The following GLI2 variants were observed in gnomAD, a reference collection of about 807,000 sequenced individuals.
GLI2 encodes the protein GLI family zinc finger 2.
In GLI2, 22 loss-of-function variants were observed where a neutral mutation model predicts 78.9. The ratio of observed to expected loss-of-function variants is 0.28; its 90% CI spans 0.20 to 0.40. The LOEUF is 0.40. GLI2 is among the 10% of genes least tolerant of loss of function. The probability of loss-of-function intolerance (pLI) is 1.00; values close to 1 mark genes in which losing one functional copy is unlikely to be tolerated. For synonymous variants in GLI2, 974 were observed against 963.7 expected (o/e 1.01, Z -0.20); for missense variants, 2,097 against 2,213.2 (o/e 0.95, Z 1.05).
chr2:120,749,594 G>A (rs1363378551), intron 1 of GLI2, among the ~76,000 whole-genome samples: 2 of 152,164 alleles, frequency 1.3e-5, no homozygotes, highest in Non-Finnish European at 2.9e-5. Flanking sequence ...GCCTCTCTGG[G>A]TCTCCACTTG....
intron 1 of GLI2, among the ~76,000 whole-genome samples, chr2:120,790,318 C>G (rs1239248112): frequency 6.6e-6 from 1 of 152,160 alleles, no homozygotes; most frequent in Non-Finnish European, 1.5e-5. Flanking sequence ...GGGTGCATCC[C>G]CCTCACTGTC....
chr2:120,870,754 AT>A (rs372912507), intron 2 of GLI2, among the ~76,000 whole-genome samples: 1 of 151,962 alleles, frequency 6.6e-6, no homozygotes, highest in East Asian at 1.9e-4. Context: ...TAGGTGTGTG[AT>A]TTTCCACAGG....
intron 1 of GLI2, among the ~76,000 whole-genome samples, chr2:120,764,685 G>A (rs1390600237): frequency 6.6e-6 from 1 of 152,236 alleles, no homozygotes; most frequent in East Asian, 1.9e-4. Context: ...GTGAATGTGG[G>A]AGAAGCCACG....
chr2:120,989,172 T>C lies in GLI2; in HGVS notation c.3207T>C (p.Tyr1069=). The C allele has an allele frequency of 6.2e-7, 1 of 1,613,194 alleles. No homozygotes were observed. Residue 1069 remains tyrosine (Y), a synonymous_variant, in exon 14 of 14, where the codon TAT becomes TAC. Transcript: ENST00000361492. The part of the protein sequence containing the change: ...GALDEGTGQV[Y]PTESTGFSDN... Reference sequence around the variant, plus strand: ...TGGACGAGGGCACCGGGCAGGTGTATCCCACGGAAAGCACTGGCTTCTCTG... The same window carrying C: ...TGGACGAGGGCACCGGGCAGGTGTACCCCACGGAAAGCACTGGCTTCTCTG...
intron 2 of GLI2, among the ~76,000 whole-genome samples, chr2:120,920,900 G>GA (rs11439015): frequency 0.85 from 118,770 of 140,128 alleles, 51,175 homozygotes; most frequent in South Asian, 0.94. Flanking sequence ...TCTTTTACTT[G>GA]AAAAAAAAAA....
rs72835538 is a variant in GLI2 at position 120,796,340 on chromosome 2, G to T, written c.-30-951G>T. Among the ~76,000 whole-genome samples the T allele has an allele frequency of 2.8e-3, 426 of 152,162 alleles. 6 individuals carry two copies. Among genetic ancestry groups the T allele is most frequent in the Non-Finnish European group, 4.0e-3 (273 of 68,012 alleles). ...CCCAAACCACCATTGTCTCTCCCTG[G>T]GTCACTGCAGTAGCCTCCTCTCCCC... On this transcript the variant is annotated intron_variant, in intron 1 of 13. Coordinates refer to ENST00000361492, the MANE Select transcript of GLI2 (RefSeq NM_001374353.1).
chr2:120,904,990 G>A (rs1380573306), intron 2 of GLI2, among the ~76,000 whole-genome samples: 3 of 152,206 alleles, frequency 2.0e-5, no homozygotes, highest in Admixed American at 6.5e-5. Context: ...TCGTTGCCAC[G>A]GACAGTGATT....
At chr2:120,904,774 A>G (rs1573572457) in intron 2 of GLI2, among the ~76,000 whole-genome samples, 1 of 152,228 alleles carries the variant, frequency 6.6e-6, no homozygotes, top group African/African-American at 2.4e-5. Flanking sequence ...TGTTTCTCCT[A>G]TGCCTCCAGA....
At chr2:120,967,341 A>G (rs932829684) in intron 5 of GLI2, among the ~76,000 whole-genome samples, 1 of 152,230 alleles carries the variant, frequency 6.6e-6, no homozygotes, top group Non-Finnish European at 1.5e-5. Flanking sequence ...GGTCAGCACT[A>G]TTAGAGCCCT....
rs1682810710 is a variant in GLI2, at chr2:120,983,474, G to A, written c.1632+594G>A. ...GGAGCAGCTGCCCCACTGCCTGAGG[G>A]AAGCAGAGCAGTGCTGTCTGAGCTT... On this transcript the variant is annotated intron_variant, in intron 11 of 13. Coordinates refer to ENST00000361492, the MANE Select transcript of GLI2 (RefSeq NM_001374353.1). 3.3e-5 allele frequency among the ~76,000 whole-genome samples: 5 copies of A among 152,350 alleles called. No individual in the cohort carries two copies. The South Asian group carries it at 1.0e-3, about 32-fold the overall frequency.
At chr2:120,830,352 T>C (rs1262467063) in intron 2 of GLI2, among the ~76,000 whole-genome samples, 1 of 152,164 alleles carries the variant, frequency 6.6e-6, no homozygotes, top group Non-Finnish European at 1.5e-5. Flanking sequence ...GCCTGGCACA[T>C]AGGGGGCCCT....
At chr2:120,885,700 C>T (rs917478763) in intron 2 of GLI2, among the ~76,000 whole-genome samples, 6 of 152,092 alleles carry the variant, frequency 3.9e-5, no homozygotes, top group African/African-American at 7.2e-5. Flanking sequence ...CTTGAGGCCA[C>T]GGGGAGGATT....
intron 2 of GLI2, among the ~76,000 whole-genome samples, chr2:120,885,341 C>T (rs1558857088): frequency 6.6e-6 from 1 of 152,228 alleles, no homozygotes; most frequent in African/African-American, 2.4e-5. Flanking sequence ...CATTGCCAAG[C>T]TCACTGGGCT....
intron 2 of GLI2, among the ~76,000 whole-genome samples, chr2:120,808,705 C>T (rs190711685): frequency 6.6e-6 from 1 of 152,338 alleles, no homozygotes; most frequent in Non-Finnish European, 1.5e-5. Context: ...TGTGAGTTCA[C>T]ATCTAGGTGT....
At chr2:120,929,739 C>T (rs750568482) in intron 3 of GLI2, among the ~76,000 whole-genome samples, 1 of 152,210 alleles carries the variant, frequency 6.6e-6, no homozygotes, top group African/African-American at 2.4e-5. Flanking sequence ...ACCTGGTTCT[C>T]ACTTGACTAG....
intron 2 of GLI2, among the ~76,000 whole-genome samples, chr2:120,812,635 C>G (rs2077243): frequency 0.68 from 102,571 of 151,804 alleles, 37,770 homozygotes; most frequent in East Asian, 0.86. Context: ...CACACCCTGG[C>G]GTGTCATGGT....
intron 1 of GLI2, among the ~76,000 whole-genome samples, chr2:120,795,935 G>A (rs2104693606): frequency 6.6e-6 from 1 of 152,246 alleles, no homozygotes; most frequent in Admixed American, 6.5e-5. Context: ...TGTAATCCCA[G>A]CTACTCAGGA....
chr2:120,871,754 A>C (rs1688442652), intron 2 of GLI2, among the ~76,000 whole-genome samples: 1 of 152,238 alleles, frequency 6.6e-6, no homozygotes. Context: ...ACTTGCAGTG[A>C]AGAAAATGCA....
At chr2:120,841,910 TAAATGAAGGCCCTTCTCCTTCACTC>T in intron 2 of GLI2, among the ~76,000 whole-genome samples, 1 of 147,478 alleles carries the variant, frequency 6.8e-6, no homozygotes, top group Non-Finnish European at 1.5e-5. Context: ...CTGGGAAAGA[TAAATGAAGGCCCTTCTCCTTCACTC>T]CAGTTCACTT....
Sources: allele counts gnomAD v4.1 joint callset (sites outside exome capture counted in the v4.1 genomes callset), GRCh38; gene constraint gnomAD v4.1.1; transcripts MANE v1.5; gene names NCBI Gene and HGNC (gene_info 2026-07-23, HGNC 2026-07-21).